Variants in SELENOF observed in about 807,000 individuals in gnomAD.
SELENOF encodes selenoprotein F.
In SELENOF, 16 loss-of-function variants were observed where a neutral mutation model predicts 20.5. That is an observed-to-expected ratio of 0.78 (90% CI 0.53 to 1.19). SELENOF has a LOEUF of 1.19. Ranked by LOEUF, SELENOF falls within the 50% of genes most tolerant of loss-of-function variation. The pLI, the probability that SELENOF is intolerant of heterozygous loss-of-function variation, is 0.00. For missense variants in SELENOF, 215 were observed against 194.2 expected (o/e 1.11, Z -0.64); for synonymous variants, 78 against 74.5 (o/e 1.05, Z -0.24).
At chr1:86,889,493 C>G (rs912961099) in intron 2 of SELENOF, among the ~76,000 whole-genome samples, 2 of 152,074 alleles carry the variant, frequency 1.3e-5, no homozygotes, top group African/African-American at 4.8e-5. Flanking sequence ...ACTGGGGAGG[C>G]TGAGACAGGA....
chr1:86,892,054 T>C (rs1570394501), intron 2 of SELENOF, among the ~76,000 whole-genome samples: 1 of 151,936 alleles, frequency 6.6e-6, no homozygotes, highest in South Asian at 2.1e-4. Flanking sequence ...CCTCAGCCTC[T>C]GGAGTAGCTG....
intron 1 of SELENOF, among the ~76,000 whole-genome samples, chr1:86,904,776 T>C (rs1286695091): frequency 6.6e-6 from 1 of 152,232 alleles, no homozygotes; most frequent in Non-Finnish European, 1.5e-5. Context: ...AAAACTGTTC[T>C]GCTTCAACTA....
intron 2 of SELENOF, among the ~76,000 whole-genome samples, chr1:86,894,333 GTTTT>G (rs913216909): frequency 6.6e-6 from 1 of 151,700 alleles, no homozygotes; most frequent in African/African-American, 2.4e-5. Context: ...AGCTTGCTTT[GTTTT>G]TTTATGAAAT....
intron 2 of SELENOF, among the ~76,000 whole-genome samples, chr1:86,892,682 T>C (rs774557319): frequency 7.2e-5 from 11 of 152,200 alleles, no homozygotes; most frequent in Non-Finnish European, 1.3e-4. Flanking sequence ...TTTGATGCTC[T>C]TTTACCGAAT....
At chr1:86,893,714 T>C (rs979272781) in intron 2 of SELENOF, among the ~76,000 whole-genome samples, 2 of 152,214 alleles carry the variant, frequency 1.3e-5, no homozygotes, top group Admixed American at 6.5e-5. Context: ...TAATGAGGTA[T>C]ACATGTTAAT....
chr1:86,876,733 G>A (rs1056892377), intron 3 of SELENOF, among the ~76,000 whole-genome samples: 3 of 152,194 alleles, frequency 2.0e-5, no homozygotes, highest in Non-Finnish European at 2.9e-5. Flanking sequence ...TAACAACAAC[G>A]TTTGAAGTGC....
chr1:86,913,059 G>A (rs1300658493), intron 1 of SELENOF, among the ~76,000 whole-genome samples: 1 of 152,210 alleles, frequency 6.6e-6, no homozygotes, highest in Non-Finnish European at 1.5e-5. Flanking sequence ...AATTACAGAA[G>A]TTAAGAATCT....
At chr1:86,864,668 C>T (rs1170420517) in intron 4 of SELENOF, among the ~76,000 whole-genome samples, 4 of 141,790 alleles carry the variant, frequency 2.8e-5, no homozygotes, top group Non-Finnish European at 6.1e-5. Flanking sequence ...GATGGAGTTT[C>T]GCTTGTTGTC....
intron 2 of SELENOF, among the ~76,000 whole-genome samples, chr1:86,885,722 A>T (rs1308602260): frequency 1.3e-5 from 2 of 152,220 alleles, no homozygotes; most frequent in Non-Finnish European, 2.9e-5. Context: ...GGCATGGTAT[A>T]GTGAAAAGAG....
intron 3 of SELENOF, 78 bp downstream of exon 3, chr1:86,880,584 G>T: frequency 1.4e-6 from 1 of 736,042 alleles, no homozygotes; most frequent in Non-Finnish European, 2.2e-6. Flanking sequence ...TTATTCCTGG[G>T]AATATATAGT....
At chr1:86,901,791 A>G (rs1659711644) in intron 2 of SELENOF, among the ~76,000 whole-genome samples, 1 of 152,246 alleles carries the variant, frequency 6.6e-6, no homozygotes, top group South Asian at 2.1e-4. Flanking sequence ...ATGAAGAACT[A>G]CTAAGAAAAG....
intron 4 of SELENOF, 115 bp downstream of exon 4, chr1:86,867,938 A>C (rs1658655182): frequency 2.3e-6 from 1 of 437,530 alleles, no homozygotes; most frequent in Admixed American, 4.1e-5. Context: ...ATTTAAATTG[A>C]TACATAATAT....
intron 2 of SELENOF, among the ~76,000 whole-genome samples, chr1:86,889,649 T>C (rs989808581): frequency 2.0e-5 from 3 of 152,098 alleles, no homozygotes; most frequent in African/African-American, 7.2e-5. Flanking sequence ...CTAAGGGGTA[T>C]GCTTTATTAA....
chr1:86,907,193 G>A (rs961686752), intron 1 of SELENOF, among the ~76,000 whole-genome samples: 1 of 152,152 alleles, frequency 6.6e-6, no homozygotes, highest in Non-Finnish European at 1.5e-5. Context: ...GATTAAAGAA[G>A]CAAGTGCACA....
At chr1:86,899,865 C>T (rs1392381608) in intron 2 of SELENOF, among the ~76,000 whole-genome samples, 1 of 145,976 alleles carries the variant, frequency 6.9e-6, no homozygotes, top group Non-Finnish European at 1.5e-5. Flanking sequence ...CTCCTCCCTT[C>T]TCAGATGGGG....
At chr1:86,899,803 C>A in intron 2 of SELENOF, among the ~76,000 whole-genome samples, 1 of 145,754 alleles carries the variant, frequency 6.9e-6, no homozygotes, top group African/African-American at 2.6e-5. Flanking sequence ...GGGCGGCTGC[C>A]GGGCGGAGGG....
chr1:86,864,169 C>T (rs559315631), intron 4 of SELENOF, among the ~76,000 whole-genome samples: 4 of 152,250 alleles, frequency 2.6e-5, no homozygotes, highest in African/African-American at 9.6e-5. Flanking sequence ...TATAAATTTG[C>T]AGACACAGAA....
At chr1:86,880,311 T>G (rs1659033711) in intron 3 of SELENOF, among the ~76,000 whole-genome samples, 1 of 152,050 alleles carries the variant, frequency 6.6e-6, no homozygotes, top group Admixed American at 6.6e-5. Context: ...AATTTTTGTA[T>G]TTTTAGTAGA....
chr1:86,893,612 C>T (rs1659444569), intron 2 of SELENOF, among the ~76,000 whole-genome samples: 1 of 151,688 alleles, frequency 6.6e-6, no homozygotes, highest in African/African-American at 2.4e-5. Context: ...GCAAGACTGT[C>T]TCATAAATAA....
Sources: gnomAD v4.1 joint callset for allele counts (sites outside exome capture counted in the v4.1 genomes callset) on GRCh38, gnomAD v4.1.1 for gene constraint, MANE v1.5 for transcripts, NCBI Gene and HGNC (gene_info 2026-07-23, HGNC 2026-07-21) for gene names.